AKNAD1: variants seen among roughly 807,000 people sequenced by gnomAD.
The protein encoded by AKNAD1 is protein AKNAD1.
Under a neutral mutation model 90.8 loss-of-function variants are expected in AKNAD1, and 67 were observed. The observed-to-expected ratio is 0.74, with a 90% CI of 0.61 to 0.90. The LOEUF (loss-of-function observed/expected upper bound fraction) is 0.90. AKNAD1 is among the 40% of genes least tolerant of loss of function. The pLI is 0.00. For synonymous variants in AKNAD1, 327 were observed against 341.4 expected (o/e 0.96, Z 0.46); for missense variants, 957 against 975.4 (o/e 0.98, Z 0.25).
chr1:108,820,675 C>T, intron 13 of AKNAD1, 49 bp from the exon 14 acceptor site: 2 of 1,043,562 alleles, frequency 1.9e-6, no homozygotes, highest in Non-Finnish European at 3.0e-6. Context: ...AAATGAGCCC[C>T]AAATGGTGCC....
intron 2 of AKNAD1, among the ~76,000 whole-genome samples, chr1:108,851,114 C>T (rs1664845424): frequency 1.3e-5 from 2 of 152,290 alleles, no homozygotes; most frequent in South Asian, 2.1e-4. Flanking sequence ...AGGTTGCTGC[C>T]CTCCAGAGCC....
intron 14 of AKNAD1, among the ~76,000 whole-genome samples, chr1:108,817,838 A>G (rs1380240638): frequency 6.6e-6 from 1 of 152,048 alleles, no homozygotes; most frequent in Non-Finnish European, 1.5e-5. Flanking sequence ...GCATTTTTAT[A>G]AAACAAATAC....
chr1:108,848,693 A>G (rs2101212072), intron 5 of AKNAD1, 59 bp downstream of exon 5: 2 of 1,453,650 alleles, frequency 1.4e-6, no homozygotes, highest in East Asian at 2.3e-5. Flanking sequence ...AAAGTTATTT[A>G]TCTTTATCCA....
chr1:108,830,408 G>A (rs1354927036), intron 10 of AKNAD1, 151 bp downstream of exon 10: 8 of 678,272 alleles, frequency 1.2e-5, no homozygotes, highest in Admixed American at 2.5e-5. Flanking sequence ...TGTAGGGTGC[G>A]AGGGAGGCTG....
intron 1 of AKNAD1, 60 bp from the exon 2 acceptor site, chr1:108,852,827 C>T: frequency 1.8e-6 from 1 of 555,878 alleles, no homozygotes; most frequent in South Asian, 6.8e-5. Context: ...TACAACTATG[C>T]CAGAACAAAG....
chr1:108,853,715 C>A (rs1011394403), intron 1 of AKNAD1, among the ~76,000 whole-genome samples: 5 of 151,964 alleles, frequency 3.3e-5, no homozygotes, highest in African/African-American at 9.7e-5. Context: ...AAGCGGATCA[C>A]CTGAGGTCAG....
chr1:108,848,177 A>G (rs1274931373), intron 5 of AKNAD1, among the ~76,000 whole-genome samples: 1 of 152,128 alleles, frequency 6.6e-6, no homozygotes, highest in African/African-American at 2.4e-5. Context: ...TCAGGTCAGC[A>G]TACTTCTGGT....
At position 108,823,370 on chromosome 1, in the gene AKNAD1, AG is replaced by A; in HGVS notation, c.2166del (p.Ser723LeufsTer3). The A allele has an allele frequency of 1.2e-6, 2 of 1,606,284 alleles. No homozygotes were observed. The highest frequency in any genetic ancestry group is 2.2e-5 in the East Asian group (1 of 44,844). On this transcript the variant is annotated frameshift_variant and splice_region_variant, in exon 13 of 16. Coordinates refer to ENST00000370001, the MANE Select transcript of AKNAD1 (RefSeq NM_152763.5). LOFTEE classifies it high-confidence loss of function. ...HSLDESKNSS[P>X]SFLKPKRICS... is the part of the protein sequence containing the mutation. ...GGGGTCATGCAGGAGATGTACTTAC[AG>A]GGTGAAGAGTTTTTACTTTCATCTA...
intron 15 of AKNAD1, 147 bp downstream of exon 15, chr1:108,816,901 T>C (rs951173316): frequency 1.0e-5 from 9 of 889,966 alleles, no homozygotes; most frequent in African/African-American, 8.5e-5. Flanking sequence ...TGTGTGTCTT[T>C]AGCTTAGTTC....
At chr1:108,842,995 C>T (rs996510653) in intron 6 of AKNAD1, 139 bp downstream of exon 6, 133 of 1,103,032 alleles carry the variant, frequency 1.2e-4, no homozygotes, top group Non-Finnish European at 1.7e-4. Flanking sequence ...TTAGGTGACA[C>T]TTTGTTCATT....
intron 9 of AKNAD1, among the ~76,000 whole-genome samples, chr1:108,832,219 T>G (rs889664118): frequency 2.0e-5 from 3 of 146,810 alleles, no homozygotes; most frequent in Admixed American, 6.7e-5. Flanking sequence ...TTCTTTTTTT[T>G]TTTTTTTTTT....
intron 2 of AKNAD1, 145 bp downstream of exon 2, chr1:108,851,527 G>A (rs993951968): frequency 7.6e-6 from 5 of 661,432 alleles, no homozygotes; most frequent in African/African-American, 7.2e-5. Flanking sequence ...AGTCGGAGTG[G>A]CCACGTCACT....
chr1:108,849,115 T>C, intron 3 of AKNAD1, 55 bp from the exon 4 acceptor site: 2 of 1,452,030 alleles, frequency 1.4e-6, no homozygotes, highest in Non-Finnish European at 1.8e-6. Flanking sequence ...ATCACAGTTT[T>C]ATTAAGTACT....
At chr1:108,853,570 C>T (rs1664936691) in intron 1 of AKNAD1, among the ~76,000 whole-genome samples, 1 of 152,150 alleles carries the variant, frequency 6.6e-6, no homozygotes, top group African/African-American at 2.4e-5. Flanking sequence ...CCTGTCCCTC[C>T]AGACCTTCTG....
intron 10 of AKNAD1, among the ~76,000 whole-genome samples, chr1:108,828,509 C>T (rs533801011): frequency 6.6e-6 from 1 of 151,732 alleles, no homozygotes; most frequent in Non-Finnish European, 1.5e-5. Context: ...GCACTGTGCC[C>T]GAGATATCCT....
At position 108,854,824 on chromosome 1, in the gene AKNAD1, G is replaced by A. The variant is rs183988292; in HGVS notation, c.-103-2057C>T. ...GGGAAAGCAGAAGTGGAGAGGCATG[G>A]ATCTGAATACTCTGGCTTCTCTGCT... On this transcript the variant is annotated intron_variant, in intron 1 of 15. Coordinates refer to ENST00000370001, the MANE Select transcript of AKNAD1 (RefSeq NM_152763.5). 4.6e-3 allele frequency among the ~76,000 whole-genome samples: 699 copies of A among 152,282 alleles called. 2 individuals carry two copies. The highest frequency in any genetic ancestry group is 8.5e-3 in the Non-Finnish European group (575 of 68,018).
chr1:108,856,308 T>C (rs751855225), intron 1 of AKNAD1, among the ~76,000 whole-genome samples: 13 of 152,182 alleles, frequency 8.5e-5, no homozygotes, highest in Non-Finnish European at 1.8e-4. Context: ...ATACCCTTCT[T>C]GTATAGAAAG....
chr1:108,827,630 C>T (rs1270649344), intron 10 of AKNAD1, among the ~76,000 whole-genome samples: 1 of 150,694 alleles, frequency 6.6e-6, no homozygotes, highest in East Asian at 2.0e-4. Context: ...CTGGCTAACA[C>T]GGTGAAACCC....
rs566243628 is a variant in AKNAD1 at position 108,849,447 on chromosome 1, C to T, written c.1033+90G>A. The T allele has an allele frequency of 3.2e-5, 27 of 847,400 alleles. No homozygotes were observed. In the East Asian group the frequency reaches 6.2e-4, roughly 19 times the overall value. The allele number at this position is 847,400 out of a possible 1,614,324, so 52.5% of individuals were successfully genotyped here. A position where few individuals can be genotyped will look rare whatever the true frequency, so the allele number is the denominator to read the frequency against. On this transcript the variant is annotated intron_variant, in intron 3 of 15. Transcript: ENST00000370001. ...TGAACCAAGATTGTGCTGCTGCACT[C>T]CAGCCTGGGTGACAGAGTGAGACCC...
Sources: allele counts gnomAD v4.1 joint callset (sites outside exome capture counted in the v4.1 genomes callset), GRCh38; gene constraint gnomAD v4.1.1; transcripts MANE v1.5; gene names NCBI Gene and HGNC (gene_info 2026-07-23, HGNC 2026-07-21).